The following CACNA1I variants were observed in gnomAD, a reference collection of about 807,000 sequenced individuals.
CACNA1I encodes calcium voltage-gated channel subunit alpha1 I.
CACNA1I carries 74 observed loss-of-function variants against 201.6 expected under a neutral mutation model. That is an observed-to-expected ratio of 0.37 (90% CI 0.30 to 0.45). CACNA1I has a LOEUF of 0.45. Ranked by LOEUF, CACNA1I falls within the 20% of genes least tolerant of loss-of-function variation. CACNA1I has a pLI of 1.00. For missense variants in CACNA1I, 2,346 were observed against 3,138.1 expected, an observed-to-expected ratio of 0.75 and a Z score of 6.03; for synonymous variants, 1,431 against 1,345.2, an observed-to-expected ratio of 1.06 and a Z score of -1.40.
Position 39,648,076 on chromosome 22 carries a change from A to G in CACNA1I, c.1567+150A>G. 1 of 682,688 alleles carries G rather than the reference A, an allele frequency of 1.5e-6. No homozygotes were observed. The highest frequency in any genetic ancestry group is 1.9e-5 in the South Asian group (1 of 53,092). 42.3% of individuals were successfully genotyped at this position (682,688 alleles called of 1,614,324 possible). ...CTGTCTCCCTCTATAAAGTGAGGACAGGGGCCCCCAGCACGTGGCCGTCCA... is the reference window on the plus strand; with the variant it reads ...CTGTCTCCCTCTATAAAGTGAGGACGGGGGCCCCCAGCACGTGGCCGTCCA... On this transcript the variant is annotated intron_variant, in intron 9 of 36. Coordinates refer to ENST00000402142, the MANE Select transcript of CACNA1I (RefSeq NM_021096.4). The surrounding 1 kb of genome is among the most constrained non-coding windows in gnomAD (Gnocchi z 5.4).
intron 33 of CACNA1I, 55 bp downstream of exon 33, chr22:39,679,923 G>C: frequency 3.9e-6 from 6 of 1,556,458 alleles, no homozygotes; most frequent in Non-Finnish European, 5.2e-6. Flanking sequence ...ACGAAACCTG[G>C]TGGGGGGCCT....
Position 39,641,801 on chromosome 22 carries a change from G to A in CACNA1I, c.1056+619G>A, listed in dbSNP as rs573578139. Among the ~76,000 whole-genome samples the A allele has an allele frequency of 7.2e-5, 11 of 152,352 alleles. No individual in the cohort carries two copies. In the South Asian group the frequency reaches 1.2e-3, roughly 17 times the overall value. On this transcript the variant is annotated intron_variant, in intron 6 of 36. Transcript: ENST00000402142. ...CTGCAGAGGATGGGCTGGGATATGTGTAGGGAAAGAACTAGGGCAGTGGAC... is the reference window on the plus strand; with the variant it reads ...CTGCAGAGGATGGGCTGGGATATGTATAGGGAAAGAACTAGGGCAGTGGAC...
intron 1 of CACNA1I, among the ~76,000 whole-genome samples, chr22:39,593,753 G>A (rs1932849221): frequency 2.0e-5 from 3 of 152,220 alleles, no homozygotes; most frequent in Admixed American, 2.0e-4. Context: ...AAAGCCTCCA[G>A]CCTGAGGTTT....
Position 39,686,272 on chromosome 22 carries a change from G to T in CACNA1I, c.6539G>T (p.Trp2180Leu). The stretch of plus-strand genomic sequence containing the variant: ...CACGGCCTGGCCCGGAGCCCCTCGT[G>T]GGCCGCGGACCGCAGCAAGGACCCC... ...LAHGLARSPS[W>L]AADRSKDPPG... Residue 2180 changes from tryptophan to leucine, a missense_variant, in exon 37 of 37, where the codon TGG (tryptophan) becomes TTG (leucine). Physicochemically the swap from Trp to Leu is moderately conservative, Grantham distance 61. Around this residue, in one of 13 missense-constraint regions of CACNA1I, gnomAD observed 187 missense variants for 151.0 expected, o/e 1.24. Transcript: ENST00000402142. 1 of 1,301,570 alleles carries T rather than the reference G, an allele frequency of 7.7e-7. No individual in the cohort carries two copies. The highest frequency in any genetic ancestry group is 2.1e-5 in the South Asian group (1 of 48,706). 80.6% of individuals were successfully genotyped at this position (1,301,570 alleles called of 1,614,324 possible).
In CACNA1I at chr22:39,677,671, A is replaced by C. The variant is rs940444068; in HGVS notation, c.4933+252A>C. ...GCCAGGGCAGGGGAAAGAGCAACAG[A>C]GCGCTCGCTGAGCTCCGCCCTGCAC... On this transcript the variant is annotated intron_variant, in intron 30 of 36. Transcript: ENST00000402142. This position sits in a 1 kb window ranked among gnomAD's most constrained non-coding sequence, Gnocchi z 4.8. Among the ~76,000 whole-genome samples the C allele has an allele frequency of 1.3e-5, 2 of 152,188 alleles. No homozygotes were observed. The highest frequency in any genetic ancestry group is 2.9e-5 in the Non-Finnish European group (2 of 68,022).
chr22:39,609,536 G>A (rs374872152), intron 3 of CACNA1I, among the ~76,000 whole-genome samples: 4 of 152,166 alleles, frequency 2.6e-5, no homozygotes, highest in East Asian at 1.9e-4. Flanking sequence ...TGGGTGTCAT[G>A]TCTGAATTAA....
At position 39,665,502 on chromosome 22, in the gene CACNA1I, A is replaced by G; in HGVS notation, c.3856A>G (p.Ile1286Val). Reference protein sequence around the residue: ...LLRTLRPLRVISRAPGLKLVV... With the variant: ...LLRTLRPLRVVSRAPGLKLVV... ...CTGGCCTCTCCCTGCCGTCAGTGTC[A>G]TCAGCCGGGCGCCGGGCCTGAAGCT... is the stretch of plus-strand genomic sequence containing the variant. The change falls in exon 22 of 37, where the codon ATC becomes GTC. Residue 1286 changes from isoleucine (I) to valine (V), a missense_variant. Ile to Val is a conservative substitution (Grantham distance 29). Around this residue, in one of 13 missense-constraint regions of CACNA1I, gnomAD observed 14 missense variants for 53.7 expected, o/e 0.26. Coordinates refer to ENST00000402142, the MANE Select transcript of CACNA1I (RefSeq NM_021096.4). The surrounding 1 kb of genome is among the most constrained non-coding windows in gnomAD (Gnocchi z 5.5). 1 of 1,613,602 alleles carries G rather than the reference A, an allele frequency of 6.2e-7. No individual in the cohort carries two copies. Among genetic ancestry groups the G allele is most frequent in the Non-Finnish European group, 8.5e-7 (1 of 1,179,754 alleles).
At chr22:39,642,202 T>G (rs1290127666) in intron 6 of CACNA1I, among the ~76,000 whole-genome samples, 2 of 152,104 alleles carry the variant, frequency 1.3e-5, no homozygotes, top group Non-Finnish European at 2.9e-5. Flanking sequence ...ACAGCTGTGT[T>G]TTGGAACCCT....
At chr22:39,602,541 C>A (rs1237339072) in intron 3 of CACNA1I, among the ~76,000 whole-genome samples, 1 of 110,632 alleles carries the variant, frequency 9.0e-6, no homozygotes, top group African/African-American at 3.7e-5. Flanking sequence ...GGCTGGAGAA[C>A]ATCTTTAAGT....
At chr22:39,577,450 G>A (rs1040165934) in intron 1 of CACNA1I, among the ~76,000 whole-genome samples, 2 of 152,334 alleles carry the variant, frequency 1.3e-5, no homozygotes, top group South Asian at 2.1e-4. Context: ...CAGGGCGCCC[G>A]GTCTCCTCAT....
Position 39,659,477 on chromosome 22 carries a change from C to A in CACNA1I, c.2375C>A (p.Thr792Lys). The A allele has an allele frequency of 6.3e-7, 1 of 1,579,542 alleles. No homozygotes were observed. The highest frequency in any genetic ancestry group is 1.8e-5 in the Admixed American group (1 of 54,418). Reference protein sequence around the residue: ...HIFGCKFSLRTDTGDTVPDRK... With the variant: ...HIFGCKFSLRKDTGDTVPDRK... Reference sequence around the variant, plus strand: ...TTTGGCTGCAAGTTCAGCCTCCGCACGGACACTGGAGACACGGTGCCCGAC... The same window carrying A: ...TTTGGCTGCAAGTTCAGCCTCCGCAAGGACACTGGAGACACGGTGCCCGAC... The change falls in exon 13 of 37, where the codon ACG becomes AAG. Residue 792 changes from threonine to lysine, a missense_variant. This residue lies in a region of CACNA1I where 155 missense variants were observed against 300.8 expected (regional missense o/e 0.52). Coordinates refer to ENST00000402142, the MANE Select transcript of CACNA1I (RefSeq NM_021096.4). The surrounding 1 kb of genome is among the most constrained non-coding windows in gnomAD (Gnocchi z 4.3).
chr22:39,652,656 G>T (rs1235313518), intron 10 of CACNA1I, among the ~76,000 whole-genome samples: 6 of 152,230 alleles, frequency 3.9e-5, no homozygotes, highest in Admixed American at 6.5e-5. Context: ...TGTAATCCCA[G>T]CACTTTGGGA....
intron 31 of CACNA1I, among the ~76,000 whole-genome samples, chr22:39,678,491 G>A (rs557237275): frequency 3.9e-5 from 6 of 152,322 alleles, no homozygotes; most frequent in African/African-American, 1.4e-4. Flanking sequence ...CCCGGGCTGG[G>A]CTGGGAAGGG....
intron 1 of CACNA1I, among the ~76,000 whole-genome samples, chr22:39,581,597 A>G (rs1033470732): frequency 5.9e-5 from 9 of 152,082 alleles, no homozygotes; most frequent in Non-Finnish European, 1.2e-4. Flanking sequence ...GAGAACTAGA[A>G]AGCAAGCTGG....
chr22:39,648,600 G>A lies in CACNA1I; in HGVS notation c.1567+674G>A, dbSNP rs1249830134. Among the ~76,000 whole-genome samples, 1 of 152,126 alleles carries A rather than the reference G, an allele frequency of 6.6e-6. No homozygotes were observed. The highest frequency in any genetic ancestry group is 1.5e-5 in the Non-Finnish European group (1 of 67,996). ...CCAGAGGTGTGAATGAGCCAGGGGT[G>A]CTTATTCAGGGCTTGGGAGGCATCT... is the stretch of plus-strand genomic sequence containing the variant. On this transcript the variant is annotated intron_variant, in intron 9 of 36. Transcript: ENST00000402142. The surrounding 1 kb of genome is among the most constrained non-coding windows in gnomAD (Gnocchi z 5.4).
rs1319709100 is a variant in CACNA1I at position 39,664,178 on chromosome 22, C to T, written c.3666+19C>T. ...ATTGAAGGTAGCTCCCGGTTTCACC[C>T]GGGACCCCTGCTAGCCCCAGCTCGG... On this transcript the variant is annotated intron_variant, in intron 20 of 36. Coordinates refer to ENST00000402142, the MANE Select transcript of CACNA1I (RefSeq NM_021096.4). 1.2e-6 allele frequency: 2 copies of T among 1,606,048 alleles called. No individual in the cohort carries two copies. The highest frequency in any genetic ancestry group is 3.4e-5 in the Admixed American group (2 of 59,314).
At position 39,659,507 on chromosome 22, in the gene CACNA1I, A is replaced by G; in HGVS notation, c.2405A>G (p.Lys802Arg). Reference protein sequence around the residue: ...TDTGDTVPDRKNFDSLLWAIV... With the variant: ...TDTGDTVPDRRNFDSLLWAIV... ...ACTGGAGACACGGTGCCCGACAGGA[A>G]GAACTTCGACTCCCTGCTGTGGGCC... is the stretch of plus-strand genomic sequence containing the variant. Residue 802 changes from lysine (K) to arginine (R), a missense_variant, in exon 13 of 37, where the codon AAG (lysine) becomes AGG (arginine). Physicochemically the swap from Lys to Arg is conservative, Grantham distance 26. Coordinates refer to ENST00000402142, the MANE Select transcript of CACNA1I (RefSeq NM_021096.4). This position sits in a 1 kb window ranked among gnomAD's most constrained non-coding sequence, Gnocchi z 4.3. The G allele has an allele frequency of 6.3e-7, 1 of 1,596,260 alleles. No homozygotes were observed. The highest frequency in any genetic ancestry group is 8.5e-7 in the Non-Finnish European group (1 of 1,170,610).
intron 4 of CACNA1I, among the ~76,000 whole-genome samples, chr22:39,624,628 G>C (rs1012656368): frequency 2.0e-5 from 3 of 152,220 alleles, no homozygotes; most frequent in African/African-American, 7.2e-5. Context: ...GATTCTGCGG[G>C]AGCCGCAGGC....
At chr22:39,660,640 T>C (rs934670364) in intron 15 of CACNA1I, among the ~76,000 whole-genome samples, 1 of 152,202 alleles carries the variant, frequency 6.6e-6, no homozygotes, top group Admixed American at 6.5e-5. Flanking sequence ...CCTGGGATTC[T>C]AGGCACAGGG....
Sources: gnomAD v4.1 joint callset for allele counts (sites outside exome capture counted in the v4.1 genomes callset) on GRCh38, gnomAD v4.1.1 for gene constraint, gnomAD v4.1.1 regional missense constraint, Gnocchi (gnomAD v3.1) non-coding constraint, MANE v1.5 for transcripts, NCBI Gene and HGNC (gene_info 2026-07-23, HGNC 2026-07-21) for gene names.